Variants in B3GALT1 observed in about 807,000 individuals in gnomAD.
B3GALT1 encodes UDP-Gal:betaGlcNAc beta 1,3-galactosyltransferase, polypeptide 1.
A neutral mutation model predicts 23.2 loss-of-function variants in B3GALT1; 10 were observed. The ratio of observed to expected loss-of-function variants is 0.43; its 90% confidence interval spans 0.27 to 0.73. The LOEUF is 0.73. Among genes scored for constraint, B3GALT1 ranks in the 30% least tolerant of loss-of-function variants. B3GALT1 has a pLI of 0.21. For synonymous variants in B3GALT1, 156 were observed against 141.5 expected (o/e 1.10, Z -0.73); for missense variants, 299 against 405.4 (o/e 0.74, Z 2.25).
At chr2:167,699,606 T>C (rs1345109941) in intron 3 of B3GALT1, among the ~76,000 whole-genome samples, 1 of 152,168 alleles carries the variant, frequency 6.6e-6, no homozygotes, top group Non-Finnish European at 1.5e-5. Flanking sequence ...TTGAATTTCA[T>C]GAAAATTACT....
chr2:167,751,684 T>A (rs1402760387), intron 3 of B3GALT1, among the ~76,000 whole-genome samples: 2 of 151,658 alleles, frequency 1.3e-5, no homozygotes, highest in Admixed American at 6.6e-5. Flanking sequence ...GGTGAGGGAG[T>A]GGTGGGTGAG....
At chr2:167,340,115 T>C (rs1697123752) in intron 1 of B3GALT1, among the ~76,000 whole-genome samples, 1 of 152,086 alleles carries the variant, frequency 6.6e-6, no homozygotes, top group East Asian at 1.9e-4. Context: ...AATAAATAAA[T>C]ACCTGCCAAG....
intron 3 of B3GALT1, among the ~76,000 whole-genome samples, chr2:167,748,962 G>A (rs1270093599): frequency 6.6e-6 from 1 of 152,166 alleles, no homozygotes; most frequent in Non-Finnish European, 1.5e-5. Flanking sequence ...TGTGCACAGA[G>A]ATTCAAGTAG....
chr2:167,859,012 G>A (rs527932039), intron 4 of B3GALT1, among the ~76,000 whole-genome samples: 30 of 152,014 alleles, frequency 2.0e-4, no homozygotes, highest in African/African-American at 3.9e-4. Context: ...ATAATGGGCC[G>A]AATGAATACT....
chr2:167,587,129 A>G (rs1305935564), intron 2 of B3GALT1, among the ~76,000 whole-genome samples: 1 of 152,100 alleles, frequency 6.6e-6, no homozygotes, highest in African/African-American at 2.4e-5. Flanking sequence ...CTGCTCAATT[A>G]TTATTTGTTA....
At position 167,295,768 on chromosome 2, in the gene B3GALT1, C is replaced by CGTGTGT. The variant is rs57375833; in HGVS notation, c.-511+2463_-511+2468dup. 1.2e-3 allele frequency among the ~76,000 whole-genome samples: 170 copies of CGTGTGT among 143,446 alleles called. 1 individual carries two copies. The highest frequency in any genetic ancestry group is 2.5e-3 in the East Asian group (12 of 4,882). 94.1% of individuals were successfully genotyped at this position (143,446 alleles called of 152,430 possible). A position where few individuals can be genotyped will look rare whatever the true frequency, so the allele number is the denominator to read the frequency against. Reference sequence around the variant, plus strand: ...TGCTCATTTTAAGGTTGTGTGTGTACGTGTGTGTGTGTGTGTGTGTGTGTG... The same window carrying CGTGTGT: ...TGCTCATTTTAAGGTTGTGTGTGTACGTGTGTGTGTGTGTGTGTGTGTGTGTGTGTG... On this transcript the variant is annotated intron_variant, in intron 1 of 4. Coordinates refer to ENST00000392690, the MANE Select transcript of B3GALT1 (RefSeq NM_020981.4).
intron 2 of B3GALT1, among the ~76,000 whole-genome samples, chr2:167,502,489 C>T (rs528427452): frequency 2.3e-4 from 35 of 152,296 alleles, no homozygotes; most frequent in South Asian, 2.1e-3. Context: ...ACTTGCATCA[C>T]GGTTCCACAG....
chr2:167,869,882 G>A lies in B3GALT1; in HGVS notation c.843G>A (p.Gln281=). ...GAAAGCTGGGCATACATCCTTTCCA[G>A]AACAGTGGCTTCAATCACTGGAAAA... The part of the protein sequence containing the change: ...CLRKLGIHPF[Q]NSGFNHWKMA... The change falls in exon 5 of 5, where the codon CAG becomes CAA. Residue 281 remains glutamine (Q), a synonymous_variant. Coordinates refer to ENST00000392690, the MANE Select transcript of B3GALT1 (RefSeq NM_020981.4). The surrounding 1 kb of genome is among the most constrained non-coding windows in gnomAD (Gnocchi z 6.4). 4 of 1,614,174 alleles carry A rather than the reference G, an allele frequency of 2.5e-6. No homozygotes were observed. The Admixed American group carries it at 5.0e-5, about 20-fold the overall frequency.
chr2:167,514,472 A>G (rs1700072575), intron 2 of B3GALT1, among the ~76,000 whole-genome samples: 1 of 152,110 alleles, frequency 6.6e-6, no homozygotes, highest in South Asian at 2.1e-4. Flanking sequence ...CTGCCTTGCA[A>G]TCTCCCTTTA....
Position 167,680,770 on chromosome 2 carries a change from G to A in B3GALT1, c.-352+33804G>A, listed in dbSNP as rs1448834. 1.0e-3 allele frequency among the ~76,000 whole-genome samples: 149 copies of A among 147,302 alleles called. No homozygotes were observed. The East Asian group carries it at 0.026, about 26-fold the overall frequency. ...CCTCATATTCTCTCCGATTATTCGCGCAGAATTTTTTTTTATTTCAAAGAA... is the reference window on the plus strand; with the variant it reads ...CCTCATATTCTCTCCGATTATTCGCACAGAATTTTTTTTTATTTCAAAGAA... On this transcript the variant is annotated intron_variant, in intron 3 of 4. Transcript: ENST00000392690.
intron 3 of B3GALT1, among the ~76,000 whole-genome samples, chr2:167,717,333 A>G (rs10198407): frequency 0.11 from 17,317 of 151,572 alleles, 1,374 homozygotes; most frequent in East Asian, 0.38. Flanking sequence ...GTACATGTGC[A>G]CAATGTGCAG....
intron 1 of B3GALT1, among the ~76,000 whole-genome samples, chr2:167,401,928 G>A (rs1698198077): frequency 6.6e-6 from 1 of 152,132 alleles, no homozygotes; most frequent in South Asian, 2.1e-4. Context: ...CGTAACTGGA[G>A]TAGAAGCTCA....
intron 2 of B3GALT1, among the ~76,000 whole-genome samples, chr2:167,490,653 G>T (rs564427229): frequency 6.3e-4 from 96 of 152,288 alleles, no homozygotes; most frequent in African/African-American, 2.1e-3. Flanking sequence ...GAGATGACTG[G>T]CACTGCTGAG....
At chr2:167,308,032 G>T (rs750195929) in intron 1 of B3GALT1, among the ~76,000 whole-genome samples, 9 of 152,002 alleles carry the variant, frequency 5.9e-5, no homozygotes, top group African/African-American at 1.9e-4. Flanking sequence ...CAAGCATTTT[G>T]TGGAGAGTAA....
rs181499129 is a variant in B3GALT1 at position 167,444,230 on chromosome 2, G to T, written c.-510-45947G>T. Among the ~76,000 whole-genome samples the T allele has an allele frequency of 2.8e-3, 428 of 152,288 alleles. 1 individual carries two copies. The highest frequency in any genetic ancestry group is 9.1e-3 in the African/African-American group (377 of 41,556). ...CAGGGATGAAGCCCACTTGATCATG[G>T]TGGATAAGCTTTTTGATGTGCTGCT... is the stretch of plus-strand genomic sequence containing the variant. On this transcript the variant is annotated intron_variant, in intron 1 of 4. Coordinates refer to ENST00000392690, the MANE Select transcript of B3GALT1 (RefSeq NM_020981.4).
intron 3 of B3GALT1, among the ~76,000 whole-genome samples, chr2:167,811,420 T>TA (rs1350173720): frequency 6.6e-6 from 1 of 152,168 alleles, no homozygotes; most frequent in Non-Finnish European, 1.5e-5. Context: ...CTAAGGAAAA[T>TA]ATGTCCAATT....
chr2:167,674,052 A>G (rs942128554), intron 3 of B3GALT1, among the ~76,000 whole-genome samples: 2 of 152,142 alleles, frequency 1.3e-5, no homozygotes, highest in African/African-American at 2.4e-5. Flanking sequence ...TAAATACACA[A>G]CCATAGTAAA....
Position 167,336,344 on chromosome 2 carries a change from A to G in B3GALT1, c.-511+43010A>G, listed in dbSNP as rs1294710705. On this transcript the variant is annotated intron_variant, in intron 1 of 4. Transcript: ENST00000392690. ...TTGGCAAGTCTTTTATGGTTTACCC[A>G]GGAAGACAATTTACTGTCCAGAAGG... 2.0e-5 allele frequency among the ~76,000 whole-genome samples: 3 copies of G among 152,190 alleles called. No individual in the cohort carries two copies. In the South Asian group the frequency reaches 6.2e-4, roughly 32 times the overall value.
At chr2:167,775,461 C>G (rs1340292503) in intron 3 of B3GALT1, among the ~76,000 whole-genome samples, 1 of 151,012 alleles carries the variant, frequency 6.6e-6, no homozygotes, top group Non-Finnish European at 1.5e-5. Context: ...CCCAGCTATT[C>G]GGGAGGCTGA....
Sources: gnomAD v4.1 joint callset for allele counts (sites outside exome capture counted in the v4.1 genomes callset) on GRCh38, gnomAD v4.1.1 for gene constraint, Gnocchi (gnomAD v3.1) non-coding constraint, MANE v1.5 for transcripts, NCBI Gene and HGNC (gene_info 2026-07-23, HGNC 2026-07-21) for gene names.